The following GPATCH2 variants were observed in gnomAD, a reference collection of about 807,000 sequenced individuals.
The protein encoded by GPATCH2 is G-patch domain containing 2.
Under a neutral mutation model 58.0 loss-of-function variants are expected in GPATCH2, and 51 were observed. The observed-to-expected ratio is 0.88, with a 90% CI of 0.70 to 1.11. The LOEUF (loss-of-function observed/expected upper bound fraction) is 1.11, where lower values mean the gene tolerates loss of function less well. Ranked by LOEUF, GPATCH2 falls within the 50% of genes most tolerant of loss-of-function variation. GPATCH2 has a pLI of 0.00. For missense variants in GPATCH2, 625 were observed against 652.2 expected (o/e 0.96, Z 0.45); for synonymous variants, 222 against 218.5 (o/e 1.02, Z -0.14).
At position 217,571,500 on chromosome 1, in the gene GPATCH2, T is replaced by C. The variant is rs112405967; in HGVS notation, c.1098+38821A>G. ...CAGTATTTTACTTCTGGGCGCCACATTTGAAAGACATTAAAAAAAAAAAGC... is the reference window on the plus strand; with the variant it reads ...CAGTATTTTACTTCTGGGCGCCACACTTGAAAGACATTAAAAAAAAAAAGC... On this transcript the variant is annotated intron_variant, in intron 5 of 9. Transcript: ENST00000366935. Among the ~76,000 whole-genome samples the C allele has an allele frequency of 4.3e-3, 611 of 142,756 alleles. 3 individuals are homozygous for C. Among genetic ancestry groups the C allele is most frequent in the African/African-American group, 0.014 (585 of 40,354 alleles). 93.7% of individuals were successfully genotyped at this position (142,756 alleles called of 152,430 possible).
chr1:217,561,385 T>C (rs898947609), intron 5 of GPATCH2, among the ~76,000 whole-genome samples: 7 of 152,152 alleles, frequency 4.6e-5, no homozygotes, highest in Admixed American at 2.6e-4. Context: ...GTTACTGAGA[T>C]AAAATCACAC....
intron 5 of GPATCH2, among the ~76,000 whole-genome samples, chr1:217,586,088 G>A (rs1159370270): frequency 1.3e-5 from 2 of 152,124 alleles, no homozygotes; most frequent in Admixed American, 6.5e-5. Flanking sequence ...GTGAGGGAGA[G>A]GTGAGTGAAA....
chr1:217,428,103 A>AT lies in GPATCH2; in HGVS notation c.*3041dup, dbSNP rs1658396699. ...CGGGGAGCAGAAAAGAAGGAAACAA[A>AT]TGACTCCAGCACACAGTCTGGTCAT... On this transcript the variant is annotated 3_prime_UTR_variant, in exon 10 of 10. Coordinates refer to ENST00000366935, the MANE Select transcript of GPATCH2 (RefSeq NM_018040.5). 1.3e-5 allele frequency: 2 copies of AT among 152,230 alleles called. No individual in the cohort carries two copies. The highest frequency in any genetic ancestry group is 4.8e-5 in the African/African-American group (2 of 41,476). The allele number at this position is 152,230 out of a possible 1,614,324, so 9.4% of individuals were successfully genotyped here. A position where few individuals can be genotyped will look rare whatever the true frequency, so the allele number is the denominator to read the frequency against.
chr1:217,450,469 A>G (rs1659609782), intron 8 of GPATCH2, among the ~76,000 whole-genome samples: 2 of 152,114 alleles, frequency 1.3e-5, no homozygotes, highest in South Asian at 4.1e-4. Context: ...TATTTCAAAT[A>G]TAGATTTTAT....
intron 8 of GPATCH2, chr1:217,491,425 A>C (rs1463336109): frequency 1.7e-5 from 3 of 176,152 alleles, no homozygotes; most frequent in African/African-American, 7.1e-5. Context: ...GTAAATGCTG[A>C]TCTAAAATTC....
chr1:217,513,507 T>G (rs1020730757), intron 6 of GPATCH2, among the ~76,000 whole-genome samples: 2 of 152,186 alleles, frequency 1.3e-5, no homozygotes, highest in Non-Finnish European at 2.9e-5. Context: ...AATAATTAAT[T>G]CATGTCTTCC....
In GPATCH2 at chr1:217,514,839, C is replaced by G; in HGVS notation, c.1149G>C (p.Pro383=). ...VGNKRMVHFS[P]DSHHHDHWFS... ...GTACTCACTCATGGTGATGAGAATC[C>G]GGGGAAAAATGAACCATTCTCTTGT... Residue 383 remains proline, a synonymous_variant, in exon 6 of 10, where the codon CCG becomes CCC. Coordinates refer to ENST00000366935, the MANE Select transcript of GPATCH2 (RefSeq NM_018040.5). The G allele has an allele frequency of 6.6e-7, 1 of 1,509,618 alleles. No individual in the cohort carries two copies. The highest frequency in any genetic ancestry group is 9.2e-7 in the Non-Finnish European group (1 of 1,085,220). The allele number at this position is 1,509,618 out of a possible 1,614,324, so 93.5% of individuals were successfully genotyped here. A position where few individuals can be genotyped will look rare whatever the true frequency, so the allele number is the denominator to read the frequency against.
intron 5 of GPATCH2, among the ~76,000 whole-genome samples, chr1:217,599,916 T>C (rs1179023052): frequency 6.6e-6 from 1 of 152,080 alleles, no homozygotes; most frequent in Non-Finnish European, 1.5e-5. Context: ...AAACATTTAG[T>C]TTTTAAAGAA....
intron 5 of GPATCH2, among the ~76,000 whole-genome samples, chr1:217,601,428 CAA>C (rs35584120): frequency 6.8e-6 from 1 of 146,000 alleles, no homozygotes; most frequent in Admixed American, 6.9e-5. Flanking sequence ...AACATAAAGG[CAA>C]AAAAAAAAAT....
intron 5 of GPATCH2, among the ~76,000 whole-genome samples, chr1:217,532,274 C>T (rs1041716906): frequency 6.6e-6 from 1 of 152,180 alleles, no homozygotes; most frequent in African/African-American, 2.4e-5. Context: ...TCAGAAGCTG[C>T]ATATTAAATA....
chr1:217,494,134 G>A (rs564799386), intron 7 of GPATCH2, among the ~76,000 whole-genome samples: 1 of 152,114 alleles, frequency 6.6e-6, no homozygotes, highest in Admixed American at 6.5e-5. Flanking sequence ...CCTTTTATTA[G>A]ATTTATATTA....
intron 1 of GPATCH2, among the ~76,000 whole-genome samples, chr1:217,628,047 C>G (rs1472232261): frequency 6.6e-6 from 1 of 151,934 alleles, no homozygotes; most frequent in Non-Finnish European, 1.5e-5. Flanking sequence ...TATTAACATA[C>G]AGTAACTGTT....
intron 8 of GPATCH2, among the ~76,000 whole-genome samples, chr1:217,476,944 G>T (rs1660996925): frequency 6.6e-6 from 1 of 151,970 alleles, no homozygotes; most frequent in African/African-American, 2.4e-5. Flanking sequence ...ACTCCAAGCC[G>T]CACAACTCAT....
intron 5 of GPATCH2, among the ~76,000 whole-genome samples, chr1:217,564,899 C>T (rs1344338587): frequency 3.9e-5 from 6 of 152,048 alleles, no homozygotes; most frequent in East Asian, 1.9e-4. Flanking sequence ...AAAATGACTG[C>T]GATCTCATTT....
At chr1:217,561,576 G>C (rs1339547750) in intron 5 of GPATCH2, among the ~76,000 whole-genome samples, 3 of 152,050 alleles carry the variant, frequency 2.0e-5, no homozygotes, top group Non-Finnish European at 2.9e-5. Flanking sequence ...TTCAAACTTT[G>C]ATTTGTGCCA....
intron 2 of GPATCH2, among the ~76,000 whole-genome samples, chr1:217,618,723 G>A (rs996949959): frequency 4.6e-5 from 7 of 152,090 alleles, no homozygotes; most frequent in African/African-American, 1.7e-4. Context: ...CCCTTGGGAG[G>A]CCAAGGTGGG....
At chr1:217,564,038 C>G (rs567235697) in intron 5 of GPATCH2, among the ~76,000 whole-genome samples, 1 of 88,524 alleles carries the variant, frequency 1.1e-5, no homozygotes, top group South Asian at 4.5e-4. Context: ...CAGCAAAACT[C>G]CGTCTCGAAA....
chr1:217,602,357 C>A (rs1162469394), intron 5 of GPATCH2, among the ~76,000 whole-genome samples: 1 of 152,120 alleles, frequency 6.6e-6, no homozygotes, highest in Admixed American at 6.5e-5. Flanking sequence ...CTTGACCATG[C>A]CTTTCTGTCT....
intron 2 of GPATCH2, among the ~76,000 whole-genome samples, chr1:217,615,262 C>T (rs1668828642): frequency 6.6e-6 from 1 of 151,882 alleles, no homozygotes; most frequent in South Asian, 2.1e-4. Flanking sequence ...TGTTCGATTT[C>T]TTAAAAAATA....
Sources: gnomAD v4.1 joint callset for allele counts (sites outside exome capture counted in the v4.1 genomes callset) on GRCh38, gnomAD v4.1.1 for gene constraint, MANE v1.5 for transcripts, NCBI Gene and HGNC (gene_info 2026-07-23, HGNC 2026-07-21) for gene names.